Variants in TRAPPC3L observed in about 807,000 individuals in gnomAD.
TRAPPC3L encodes the protein trafficking protein particle complex subunit 3-like protein.
Under a neutral mutation model 23.7 loss-of-function variants are expected in TRAPPC3L, and 23 were observed. That is an observed-to-expected ratio of 0.97 (90% CI 0.70 to 1.37). The LOEUF (loss-of-function observed/expected upper bound fraction) is 1.37, where lower values mean the gene tolerates loss of function less well. Among genes scored for constraint, TRAPPC3L ranks in the 40% most tolerant of loss-of-function variants. The pLI is 0.00. For missense variants in TRAPPC3L, 212 were observed against 216.8 expected, an observed-to-expected ratio of 0.98 and a Z score of 0.14; for synonymous variants, 81 against 77.9, an observed-to-expected ratio of 1.04 and a Z score of -0.21.
chr6:116,508,822 A>G (rs1772053324), intron 3 of TRAPPC3L, among the ~76,000 whole-genome samples: 1 of 152,152 alleles, frequency 6.6e-6, no homozygotes. Context: ...TGCTATTAAT[A>G]GAAATCCCAT....
intron 4 of TRAPPC3L, among the ~76,000 whole-genome samples, chr6:116,499,748 C>T (rs553339951): frequency 1.3e-5 from 2 of 152,330 alleles, no homozygotes; most frequent in East Asian, 3.9e-4. Flanking sequence ...CCTTCAAAAG[C>T]CAGTTTAGAG....
chr6:116,542,624 CA>C (rs1280013110), intron 2 of TRAPPC3L, among the ~76,000 whole-genome samples: 1 of 152,034 alleles, frequency 6.6e-6, no homozygotes, highest in Admixed American at 6.6e-5. Flanking sequence ...ATCTGATGAT[CA>C]CATAGTTACT....
At chr6:116,531,376 G>C (rs777066676) in intron 3 of TRAPPC3L, among the ~76,000 whole-genome samples, 2 of 152,100 alleles carry the variant, frequency 1.3e-5, no homozygotes, top group Non-Finnish European at 2.9e-5. Context: ...GTGAGGTGGA[G>C]AGAAGGAAAA....
At chr6:116,538,312 G>A (rs1773220368) in intron 3 of TRAPPC3L, among the ~76,000 whole-genome samples, 1 of 152,318 alleles carries the variant, frequency 6.6e-6, no homozygotes, top group Non-Finnish European at 1.5e-5. Context: ...GGCATTTACG[G>A]TATTGAGCAT....
At chr6:116,509,250 G>A (rs1772064088) in intron 3 of TRAPPC3L, among the ~76,000 whole-genome samples, 1 of 152,084 alleles carries the variant, frequency 6.6e-6, no homozygotes, top group African/African-American at 2.4e-5. Flanking sequence ...AATCAATATT[G>A]TGAAAATAAC....
At chr6:116,515,925 T>A in intron 3 of TRAPPC3L, 1 of 1,613,696 alleles carries the variant, frequency 6.2e-7, no homozygotes, top group Non-Finnish European at 8.5e-7. Flanking sequence ...GACAATGGTC[T>A]GCAACTTAGC....
intron 3 of TRAPPC3L, among the ~76,000 whole-genome samples, chr6:116,509,464 A>G (rs1221894543): frequency 6.6e-6 from 1 of 152,258 alleles, no homozygotes; most frequent in African/African-American, 2.4e-5. Context: ...AGGTATAGTT[A>G]TCAAAACAGC....
chr6:116,512,491 T>G, intron 3 of TRAPPC3L: 1 of 430,388 alleles, frequency 2.3e-6, no homozygotes, highest in Non-Finnish European at 4.2e-6. Flanking sequence ...ATATAAATAC[T>G]TAAGTACTTT....
intron 3 of TRAPPC3L, among the ~76,000 whole-genome samples, chr6:116,505,628 G>T (rs1426115332): frequency 6.6e-6 from 1 of 152,058 alleles, no homozygotes; most frequent in East Asian, 1.9e-4. Flanking sequence ...ATACTACAAG[G>T]TTACAGTAAC....
intron 3 of TRAPPC3L, among the ~76,000 whole-genome samples, chr6:116,529,654 C>G (rs1187061589): frequency 6.6e-6 from 1 of 152,184 alleles, no homozygotes; most frequent in East Asian, 1.9e-4. Context: ...GTGAGGTTGA[C>G]AGGTAGGCAG....
chr6:116,500,524 T>G lies in TRAPPC3L; in HGVS notation c.383A>C (p.Tyr128Ser). 1 of 1,551,654 alleles carries G rather than the reference T, an allele frequency of 6.4e-7. No individual in the cohort carries two copies. Among genetic ancestry groups the G allele is most frequent in the South Asian group, 1.2e-5 (1 of 84,060 alleles). The stretch of plus-strand genomic sequence containing the variant: ...GATAATCCCACAGAGCAAGTTGCAG[T>G]AGCACAGAGAAGATCGCCCAGCAGG... ...ELPAGRSSLC[Y>S]CNLLCGIIRG... Residue 128 changes from tyrosine to serine, a missense_variant, in exon 4 of 5, where the codon TAC becomes TCC. Coordinates refer to ENST00000368602, the MANE Select transcript of TRAPPC3L (RefSeq NM_001139444.3).
At position 116,496,527 on chromosome 6, in the gene TRAPPC3L, C is replaced by A. The variant is rs1583262602; in HGVS notation, c.*427G>T. ...TTATTTATTTAAGGAATGCAATATA[C>A]AGTATCTAGAAACTACTGTCTATAT... On this transcript the variant is annotated 3_prime_UTR_variant, in exon 5 of 5. Coordinates refer to ENST00000368602, the MANE Select transcript of TRAPPC3L (RefSeq NM_001139444.3). The A allele has an allele frequency of 6.5e-6, 1 of 152,946 alleles. No individual in the cohort carries two copies. The highest frequency in any genetic ancestry group is 6.5e-5 in the Admixed American group (1 of 15,270). 9.5% of individuals were successfully genotyped at this position (152,946 alleles called of 1,614,324 possible).
At chr6:116,501,192 G>A (rs924177480) in intron 3 of TRAPPC3L, among the ~76,000 whole-genome samples, 4 of 152,164 alleles carry the variant, frequency 2.6e-5, no homozygotes, top group East Asian at 1.9e-4. Context: ...ATTCCCTCCC[G>A]AGCCTGTGAC....
At chr6:116,542,236 T>C (rs9488963) in intron 2 of TRAPPC3L, among the ~76,000 whole-genome samples, 2,060 of 152,226 alleles carry the variant, frequency 0.014, 40 homozygotes, top group African/African-American at 0.047. Flanking sequence ...GAAAAATCTA[T>C]AGGTAGACAG....
At chr6:116,539,292 C>A (rs917929062) in intron 3 of TRAPPC3L, among the ~76,000 whole-genome samples, 2 of 152,042 alleles carry the variant, frequency 1.3e-5, no homozygotes, top group Non-Finnish European at 2.9e-5. Flanking sequence ...GGACTTTTTT[C>A]CCCAGCCTGG....
At chr6:116,545,118 CATACATACAT>C (rs1272214090) in intron 1 of TRAPPC3L, among the ~76,000 whole-genome samples, 2 of 149,940 alleles carry the variant, frequency 1.3e-5, no homozygotes, top group African/African-American at 2.5e-5. Context: ...TATATATATA[CATACATACAT>C]ATATATACAT....
intron 3 of TRAPPC3L, among the ~76,000 whole-genome samples, chr6:116,501,372 T>C (rs1043738389): frequency 2.2e-4 from 33 of 152,282 alleles, no homozygotes; most frequent in African/African-American, 7.2e-4. Flanking sequence ...AAGATTGAAC[T>C]GGGTGGAGCC....
intron 3 of TRAPPC3L, among the ~76,000 whole-genome samples, chr6:116,540,067 G>C (rs775721647): frequency 6.6e-6 from 1 of 152,288 alleles, no homozygotes; most frequent in East Asian, 1.9e-4. Flanking sequence ...CATGTTTTAA[G>C]GTTGCCCTAT....
chr6:116,506,258 A>C (rs1772005281), intron 3 of TRAPPC3L, among the ~76,000 whole-genome samples: 1 of 152,226 alleles, frequency 6.6e-6, no homozygotes, highest in South Asian at 2.1e-4. Context: ...AACAGACATG[A>C]AAAAATGCCC....
Sources: allele counts gnomAD v4.1 joint callset (sites outside exome capture counted in the v4.1 genomes callset), GRCh38; gene constraint gnomAD v4.1.1; transcripts MANE v1.5; gene names NCBI Gene and HGNC (gene_info 2026-07-23, HGNC 2026-07-21).